FILIP1: variants seen among roughly 807,000 people sequenced by gnomAD.
FILIP1 encodes the protein filamin-A-interacting protein 1.
In FILIP1, 61 loss-of-function variants were observed where a neutral mutation model predicts 102.1. The observed-to-expected ratio is 0.60, with a 90% confidence interval of 0.49 to 0.74. FILIP1 has a LOEUF of 0.74. Among genes scored for constraint, FILIP1 ranks in the 30% least tolerant of loss-of-function variants. FILIP1 has a pLI of 0.00. For missense variants in FILIP1, 1,314 were observed against 1,441.2 expected (o/e 0.91, Z 1.43); for synonymous variants, 491 against 526.9 (o/e 0.93, Z 0.93).
Position 75,314,856 on chromosome 6 carries a change from A to C in FILIP1, c.976T>G (p.Ser326Ala). 1 of 1,613,774 alleles carries C rather than the reference A, an allele frequency of 6.2e-7. No homozygotes were observed. The highest frequency in any genetic ancestry group is 8.5e-7 in the Non-Finnish European group (1 of 1,179,976). ...TTGAGTCTAAGTTGCCTATTGTGAG[A>C]CTCTTGATTAGCCAGTTTAGCGTTC... ...EMNAKLANQE[S>A]HNRQLRLKLV... is the part of the protein sequence containing the mutation. The change falls in exon 5 of 6, where the codon TCT becomes GCT. Residue 326 changes from serine to alanine, a missense_variant. By Grantham distance (99) the Ser-to-Ala change is moderately conservative (BLOSUM62 1). Transcript: ENST00000237172.
chr6:75,442,502 G>A (rs1424461709), intron 1 of FILIP1, among the ~76,000 whole-genome samples: 2 of 152,170 alleles, frequency 1.3e-5, no homozygotes, highest in African/African-American at 2.4e-5. Flanking sequence ...CTGCAATCCC[G>A]GCACCTCGGG....
intron 1 of FILIP1, among the ~76,000 whole-genome samples, chr6:75,481,026 T>C (rs1779636770): frequency 6.6e-6 from 1 of 152,220 alleles, no homozygotes; most frequent in Middle Eastern, 3.2e-3. Flanking sequence ...TGCTTTCCCT[T>C]AGAACTTGTT....
chr6:75,479,097 G>A (rs1023607492), intron 1 of FILIP1, among the ~76,000 whole-genome samples: 1 of 152,004 alleles, frequency 6.6e-6, no homozygotes, highest in Admixed American at 6.5e-5. Flanking sequence ...ATCCTAACAA[G>A]GTCCCTCCTA....
downstream of FILIP1, among the ~76,000 whole-genome samples, chr6:75,306,218 C>T (rs1444241644): frequency 6.6e-6 from 1 of 152,086 alleles, no homozygotes; most frequent in African/African-American, 2.4e-5. Context: ...TTTTTTTTAG[C>T]AGTTGTACTT....
chr6:75,310,059 A>G (rs1181992402), intron 5 of FILIP1, among the ~76,000 whole-genome samples: 1 of 152,052 alleles, frequency 6.6e-6, no homozygotes, highest in African/African-American at 2.4e-5. Context: ...TCAATATCCA[A>G]CCCCAGTTTG....
Position 75,340,767 on chromosome 6 carries a change from C to T in FILIP1, c.629+12772G>A, listed in dbSNP as rs139780521. ...CTGCAATGCAGTGGCATGATCTAGG[C>T]TCACTGCAACCTCTGCCTCCCGGGT... On this transcript the variant is annotated intron_variant, in intron 4 of 5. Coordinates refer to ENST00000237172, the MANE Select transcript of FILIP1 (RefSeq NM_015687.5). Among the ~76,000 whole-genome samples the T allele has an allele frequency of 7.5e-3, 1,144 of 151,846 alleles. 7 individuals carry two copies. The highest frequency in any genetic ancestry group is 0.02 in the Middle Eastern group (6 of 294).
At chr6:75,430,176 G>C (rs1279225412) in intron 1 of FILIP1, among the ~76,000 whole-genome samples, 1 of 152,122 alleles carries the variant, frequency 6.6e-6, no homozygotes, top group East Asian at 1.9e-4. Context: ...TCTCTCTCCT[G>C]CTGCCATGTA....
chr6:75,489,434 C>T (rs975267383), intron 1 of FILIP1, among the ~76,000 whole-genome samples: 1 of 151,926 alleles, frequency 6.6e-6, no homozygotes, highest in Non-Finnish European at 1.5e-5. Context: ...ACAAACTATC[C>T]GCATCCAAGA....
At chr6:75,432,292 T>C (rs1031433683) in intron 1 of FILIP1, among the ~76,000 whole-genome samples, 37 of 152,222 alleles carry the variant, frequency 2.4e-4, no homozygotes, top group African/African-American at 8.9e-4. Flanking sequence ...ATTTTCAGGA[T>C]CTACTTTATT....
At chr6:75,327,317 A>G (rs1773896882) in intron 4 of FILIP1, among the ~76,000 whole-genome samples, 1 of 152,030 alleles carries the variant, frequency 6.6e-6, no homozygotes, top group African/African-American at 2.4e-5. Flanking sequence ...CCAAGCCACC[A>G]TCATCTCTTA....
intron 4 of FILIP1, among the ~76,000 whole-genome samples, chr6:75,327,613 C>T (rs1435699012): frequency 6.7e-6 from 1 of 149,666 alleles, no homozygotes; most frequent in Non-Finnish European, 1.5e-5. Context: ...ATGCACAGAG[C>T]CTTTCAAAAC....
chr6:75,385,759 A>G (rs1055059948), intron 2 of FILIP1: 7 of 152,098 alleles, frequency 4.6e-5, no homozygotes, highest in African/African-American at 1.7e-4. Context: ...ACTACTTCCA[A>G]TAACCAATCT....
intron 4 of FILIP1, among the ~76,000 whole-genome samples, chr6:75,321,054 C>T (rs1773636348): frequency 6.6e-6 from 1 of 152,110 alleles, no homozygotes; most frequent in Non-Finnish European, 1.5e-5. Context: ...TCCTCCTCTT[C>T]CTCTTCTACT....
intron 1 of FILIP1, among the ~76,000 whole-genome samples, chr6:75,468,030 A>C (rs1779219944): frequency 6.6e-6 from 1 of 152,208 alleles, no homozygotes; most frequent in Admixed American, 6.5e-5. Context: ...AGAGAAACAA[A>C]GCAGCATCCT....
chr6:75,479,719 A>C (rs552914763), intron 1 of FILIP1, among the ~76,000 whole-genome samples: 3 of 151,654 alleles, frequency 2.0e-5, no homozygotes, highest in African/African-American at 7.3e-5. Context: ...TAATACAAAA[A>C]TTAGCCTGGC....
In FILIP1 at chr6:75,350,400, G is replaced by GT. The variant is rs10602538; in HGVS notation, c.629+3138dup. Among the ~76,000 whole-genome samples the GT allele has an allele frequency of 3.9e-3, 526 of 136,420 alleles. 1 individual carries two copies. The highest frequency in any genetic ancestry group is 0.014 in the East Asian group (66 of 4,644). 89.5% of individuals were successfully genotyped at this position (136,420 alleles called of 152,430 possible). ...GCATGTTAGGGTAATTTTTTTTAAA[G>GT]TTTTTTTTTTTTTTTTTTTTACTTT... On this transcript the variant is annotated intron_variant, in intron 4 of 5. Transcript: ENST00000237172.
intron 2 of FILIP1, among the ~76,000 whole-genome samples, chr6:75,406,631 A>T (rs1261880652): frequency 6.7e-6 from 1 of 149,208 alleles, no homozygotes; most frequent in Non-Finnish European, 1.5e-5. Flanking sequence ...GTGTCTTTGC[A>T]TTCCTCAAAT....
At chr6:75,360,212 G>A (rs2149609872) in intron 3 of FILIP1, among the ~76,000 whole-genome samples, 1 of 152,238 alleles carries the variant, frequency 6.6e-6, no homozygotes, top group South Asian at 2.1e-4. Flanking sequence ...TTCAGTATCT[G>A]GTAGGAGTAA....
intron 1 of FILIP1, among the ~76,000 whole-genome samples, chr6:75,476,614 C>G (rs544174243): frequency 2.6e-5 from 4 of 152,254 alleles, no homozygotes; most frequent in African/African-American, 9.6e-5. Context: ...CTATTTATAA[C>G]TCTCCTTTTA....
Sources: gnomAD v4.1 joint callset for allele counts (sites outside exome capture counted in the v4.1 genomes callset) on GRCh38, gnomAD v4.1.1 for gene constraint, MANE v1.5 for transcripts, NCBI Gene and HGNC (gene_info 2026-07-23, HGNC 2026-07-21) for gene names.